Variants in CNTN4 observed in about 807,000 individuals in gnomAD.
The protein encoded by CNTN4 is contactin 4.
In CNTN4, 77 loss-of-function variants were observed where a neutral mutation model predicts 122.5. The observed-to-expected ratio is 0.63, with a 90% CI of 0.52 to 0.76. The LOEUF (loss-of-function observed/expected upper bound fraction) is 0.76. Among genes scored for constraint, CNTN4 ranks in the 30% least tolerant of loss-of-function variants. The pLI, the probability that CNTN4 is intolerant of heterozygous loss-of-function variation, is 0.00. For missense variants in CNTN4, 1,256 were observed against 1,259.1 expected (o/e 1.00, Z 0.04); for synonymous variants, 512 against 447.0 (o/e 1.15, Z -1.83).
chr3:2,230,253 T>G (rs2039434693), intron 2 of CNTN4, among the ~76,000 whole-genome samples: 1 of 152,160 alleles, frequency 6.6e-6, no homozygotes, highest in African/African-American at 2.4e-5. Flanking sequence ...TTTGTTTAGA[T>G]AAAACTAAAT....
chr3:2,200,931 C>G (rs186953750), intron 2 of CNTN4, among the ~76,000 whole-genome samples: 7 of 152,196 alleles, frequency 4.6e-5, no homozygotes, highest in African/African-American at 7.2e-5. Context: ...GGTAGAAAGT[C>G]TGGTTATAAA....
chr3:2,194,182 G>T (rs1297772774), intron 2 of CNTN4, among the ~76,000 whole-genome samples: 2 of 152,084 alleles, frequency 1.3e-5, no homozygotes, highest in Non-Finnish European at 2.9e-5. Context: ...AAGTGAATGG[G>T]GCCAGGCATG....
At chr3:2,367,495 A>T (rs1290408912) in intron 3 of CNTN4, among the ~76,000 whole-genome samples, 6 of 152,150 alleles carry the variant, frequency 3.9e-5, no homozygotes, top group Non-Finnish European at 8.8e-5. Context: ...CTGATGGAAA[A>T]ATGTCACTTG....
chr3:3,032,462 T>C (rs557394977), intron 16 of CNTN4, among the ~76,000 whole-genome samples: 1 of 152,394 alleles, frequency 6.6e-6, no homozygotes, highest in Admixed American at 6.5e-5. Context: ...AAATCTAGTC[T>C]AATCAGTTAA....
intron 6 of CNTN4, among the ~76,000 whole-genome samples, chr3:2,762,874 G>A (rs945050342): frequency 4.0e-5 from 6 of 150,714 alleles, no homozygotes; most frequent in East Asian, 1.9e-4. Flanking sequence ...CATTCTGACT[G>A]GTGTGAGGTG....
chr3:2,338,536 T>C (rs1417799237), intron 2 of CNTN4, among the ~76,000 whole-genome samples: 2 of 151,982 alleles, frequency 1.3e-5, no homozygotes, highest in Non-Finnish European at 2.9e-5. Flanking sequence ...GGTTAGAGGA[T>C]ACACATATGA....
chr3:2,151,237 T>C (rs1395191845), intron 2 of CNTN4, among the ~76,000 whole-genome samples: 1 of 152,134 alleles, frequency 6.6e-6, no homozygotes, highest in East Asian at 1.9e-4. Flanking sequence ...CAAGTAAATA[T>C]TTTTGACTAT....
At chr3:2,903,026 G>GA (rs749228950) in intron 12 of CNTN4, 21 bp downstream of exon 12, 610 of 1,591,858 alleles carry the variant, frequency 3.8e-4, no homozygotes, top group Non-Finnish European at 4.4e-4. Context: ...ATACTGGCAA[G>GA]AAAAAAAAAT....
At chr3:2,686,676 A>G (rs762695213) in intron 4 of CNTN4, among the ~76,000 whole-genome samples, 2 of 151,954 alleles carry the variant, frequency 1.3e-5, no homozygotes, top group Non-Finnish European at 2.9e-5. Flanking sequence ...TGTGTGTTAC[A>G]CCCTTTTCTC....
rs187066885 is a variant in CNTN4, at chr3:2,312,086, G to T, written c.-144-27092G>T. Among the ~76,000 whole-genome samples, 85 of 152,002 alleles carry T rather than the reference G, an allele frequency of 5.6e-4. 2 individuals are homozygous for T. In the East Asian group the frequency reaches 0.015, roughly 27 times the overall value. ...AATGGCACTTTGGGAGGTTAAGGCG[G>T]CAGGATCACTGAGCCCAGGAGTTCA... On this transcript the variant is annotated intron_variant, in intron 2 of 24. Coordinates refer to ENST00000418658, the MANE Select transcript of CNTN4 (RefSeq NM_175607.3).
intron 3 of CNTN4, among the ~76,000 whole-genome samples, chr3:2,459,327 G>A (rs1322242720): frequency 2.0e-5 from 3 of 151,916 alleles, no homozygotes; most frequent in African/African-American, 7.3e-5. Flanking sequence ...ATTTAGAATT[G>A]GCCACATGTG....
chr3:2,774,766 G>A (rs2091249209), intron 6 of CNTN4, among the ~76,000 whole-genome samples: 2 of 152,166 alleles, frequency 1.3e-5, no homozygotes, highest in Admixed American at 1.3e-4. Context: ...TTGTGTAACT[G>A]TATCCCACGA....
chr3:2,414,175 A>C (rs571233519), intron 3 of CNTN4, among the ~76,000 whole-genome samples: 14 of 152,290 alleles, frequency 9.2e-5, no homozygotes, highest in African/African-American at 3.4e-4. Context: ...TGGTGGGTAG[A>C]TACCAAAGGT....
intron 4 of CNTN4, among the ~76,000 whole-genome samples, chr3:2,639,874 A>G (rs927435637): frequency 6.6e-6 from 1 of 152,198 alleles, no homozygotes; most frequent in Admixed American, 6.6e-5. Context: ...TTGTTTGGAC[A>G]TATTTTTTGT....
rs1318003365 is a variant in CNTN4 at position 2,446,894 on chromosome 3, C to T, written c.-89+107661C>T. ...GCTAGCCTAATGTAAACAATATAAT[C>T]GTTCTTCCCTTATTTACTTTATTTG... On this transcript the variant is annotated intron_variant, in intron 3 of 24. Coordinates refer to ENST00000418658, the MANE Select transcript of CNTN4 (RefSeq NM_175607.3). 2.6e-5 allele frequency among the ~76,000 whole-genome samples: 4 copies of T among 152,160 alleles called. No homozygotes were observed. The East Asian group carries it at 5.8e-4, about 22-fold the overall frequency.
intron 2 of CNTN4, among the ~76,000 whole-genome samples, chr3:2,198,560 C>T (rs928775802): frequency 1.3e-5 from 2 of 152,032 alleles, no homozygotes; most frequent in African/African-American, 4.8e-5. Context: ...ATATTTATTT[C>T]CAAATATCCA....
chr3:2,878,491 G>GA (rs1315787030), intron 8 of CNTN4, among the ~76,000 whole-genome samples: 4 of 151,180 alleles, frequency 2.6e-5, no homozygotes, highest in African/African-American at 9.7e-5. Context: ...GAAGGATACA[G>GA]AAAAAAATGA....
intron 4 of CNTN4, among the ~76,000 whole-genome samples, chr3:2,706,397 G>A (rs2086739479): frequency 6.6e-6 from 1 of 152,098 alleles, no homozygotes; most frequent in Non-Finnish European, 1.5e-5. Context: ...TAACTTTAAG[G>A]AAGGTGCTCT....
chr3:2,354,178 C>T (rs993873345), intron 3 of CNTN4, among the ~76,000 whole-genome samples: 13 of 152,190 alleles, frequency 8.5e-5, no homozygotes, highest in African/African-American at 3.1e-4. Flanking sequence ...CCATTCAGTT[C>T]TATCTTGACT....
Sources: allele counts gnomAD v4.1 joint callset (sites outside exome capture counted in the v4.1 genomes callset), GRCh38; gene constraint gnomAD v4.1.1; transcripts MANE v1.5; gene names NCBI Gene and HGNC (gene_info 2026-07-23, HGNC 2026-07-21).